Variants in NINL observed in about 807,000 individuals in gnomAD.
NINL encodes the protein ninein like, also known as ninein-like protein.
NINL carries 153 observed loss-of-function variants against 160.3 expected under a neutral mutation model. The observed-to-expected ratio is 0.95, with a 90% CI of 0.84 to 1.09. The LOEUF (loss-of-function observed/expected upper bound fraction) is 1.09, where lower values mean the gene tolerates loss of function less well. Ranked by LOEUF, NINL falls within the 50% of genes least tolerant of loss-of-function variation. The pLI, the probability that NINL is intolerant of heterozygous loss-of-function variation, is 0.00. For synonymous variants in NINL, 800 were observed against 734.8 expected (o/e 1.09, Z -1.43); for missense variants, 1,829 against 1,764.0 (o/e 1.04, Z -0.66).
intron 19 of NINL, among the ~76,000 whole-genome samples, chr20:25,463,272 T>G (rs2062835894): frequency 6.6e-6 from 1 of 152,148 alleles, no homozygotes; most frequent in Non-Finnish European, 1.5e-5. Flanking sequence ...TTCACGTTTT[T>G]CTCATTTCCT....
chr20:25,468,344 G>A (rs1334799180), intron 18 of NINL, among the ~76,000 whole-genome samples: 2 of 148,560 alleles, frequency 1.3e-5, no homozygotes, highest in East Asian at 2.0e-4. Context: ...TCTCACTGGT[G>A]GCCTCCCTGT....
intron 1 of NINL, among the ~76,000 whole-genome samples, chr20:25,535,689 CAT>C (rs906391481): frequency 1.3e-5 from 2 of 152,022 alleles, no homozygotes; most frequent in African/African-American, 4.8e-5. Context: ...TTAAGTAAAA[CAT>C]ATTTTTTAAA....
intron 21 of NINL, among the ~76,000 whole-genome samples, chr20:25,459,195 A>T (rs1430869674): frequency 6.6e-6 from 1 of 152,192 alleles, no homozygotes; most frequent in Admixed American, 6.5e-5. Flanking sequence ...AGACCCCAAG[A>T]CGGAGTGGGA....
At chr20:25,454,634 T>C (rs946565487) in intron 23 of NINL, among the ~76,000 whole-genome samples, 1 of 152,178 alleles carries the variant, frequency 6.6e-6, no homozygotes, top group Non-Finnish European at 1.5e-5. Context: ...CAAAAATACT[T>C]CTCCAGGTTT....
chr20:25,547,178 T>C (rs2064744402), intron 1 of NINL, among the ~76,000 whole-genome samples: 1 of 152,058 alleles, frequency 6.6e-6, no homozygotes, highest in African/African-American at 2.4e-5. Flanking sequence ...CCAGCGTTTA[T>C]ATTACTGAGG....
chr20:25,539,703 A>G (rs1473933432), intron 1 of NINL, among the ~76,000 whole-genome samples: 1 of 152,180 alleles, frequency 6.6e-6, no homozygotes, highest in African/African-American at 2.4e-5. Flanking sequence ...CAAATGACAG[A>G]ACACTGAGGG....
Position 25,510,675 on chromosome 20 carries a change from T to C in NINL, c.516A>G (p.Gln172=), listed in dbSNP as rs774713865. 2.2e-5 allele frequency: 36 copies of C among 1,613,658 alleles called. No homozygotes were observed. Among genetic ancestry groups the C allele is most frequent in the Non-Finnish European group, 2.9e-5 (34 of 1,179,818 alleles). ...KEAQNELFEA[Q]GQLQTWDSED... ...CTGAATGCGAGGCTGAGGCTTTACC[T>C]TGTGCTTCAAATAATTCATTCTGAG... The change falls in exon 5 of 24, where the codon CAA becomes CAG. Residue 172 remains glutamine (Q), a splice_region_variant and synonymous_variant. Transcript: ENST00000278886.
At chr20:25,583,464 C>A (rs1364017105) in intron 1 of NINL, among the ~76,000 whole-genome samples, 1 of 152,056 alleles carries the variant, frequency 6.6e-6, no homozygotes, top group Non-Finnish European at 1.5e-5. Context: ...TATTAAAAAG[C>A]AAGGAAACAA....
At chr20:25,481,861 C>A in intron 14 of NINL, 107 bp downstream of exon 14, 1 of 1,473,764 alleles carries the variant, frequency 6.8e-7, no homozygotes, top group South Asian at 1.3e-5. Flanking sequence ...CCCTTCAGGT[C>A]ACAGCAACAT....
At position 25,480,141 on chromosome 20, in the gene NINL, C is replaced by A; in HGVS notation, c.1917+20G>T. ...CAGCAGCTACTCCCCCAGGGCCCCACAGCCCCATAATCCCCTCACCTTGGT... is the reference window on the plus strand; with the variant it reads ...CAGCAGCTACTCCCCCAGGGCCCCAAAGCCCCATAATCCCCTCACCTTGGT... On this transcript the variant is annotated intron_variant, in intron 15 of 23. Transcript: ENST00000278886. 2 of 1,586,186 alleles carry A rather than the reference C, an allele frequency of 1.3e-6. No homozygotes were observed. The highest frequency in any genetic ancestry group is 2.2e-5 in the South Asian group (2 of 90,558).
Position 25,453,647 on chromosome 20 carries a change from A to T in NINL, c.3958-5T>A, listed in dbSNP as rs2090589988. The T allele has an allele frequency of 2.5e-6, 4 of 1,595,134 alleles. No homozygotes were observed. The highest frequency in any genetic ancestry group is 2.6e-6 in the Non-Finnish European group (3 of 1,169,856). On this transcript the variant is annotated splice_region_variant and splice_polypyrimidine_tract_variant and intron_variant, in intron 23 of 23. Coordinates refer to ENST00000278886, the MANE Select transcript of NINL (RefSeq NM_025176.6). ...GGACTTCGTGTTCTTTTCAAACTAG[A>T]GAGGGGAGGAAGCCATGCTTTGCAT...
intron 10 of NINL, among the ~76,000 whole-genome samples, chr20:25,495,343 G>T (rs1053805466): frequency 2.0e-5 from 3 of 152,170 alleles, no homozygotes; most frequent in Non-Finnish European, 4.4e-5. Flanking sequence ...CAAACCGCCC[G>T]CATCCCTGGA....
chr20:25,528,501 A>C (rs1000407090), intron 1 of NINL, among the ~76,000 whole-genome samples: 9 of 152,218 alleles, frequency 5.9e-5, no homozygotes, highest in African/African-American at 2.2e-4. Context: ...CTGGAGGAAA[A>C]TATATTTAAA....
At chr20:25,547,214 T>A (rs1205913316) in intron 1 of NINL, among the ~76,000 whole-genome samples, 1 of 152,152 alleles carries the variant, frequency 6.6e-6, no homozygotes, top group Non-Finnish European at 1.5e-5. Context: ...AGGGGCTGGT[T>A]ACCAGATGGA....
chr20:25,567,105 CA>C (rs200134052), intron 1 of NINL, among the ~76,000 whole-genome samples: 2 of 150,452 alleles, frequency 1.3e-5, no homozygotes, highest in Non-Finnish European at 3.0e-5. Flanking sequence ...GACCCTGTCT[CA>C]AAAAAAAAAT....
At chr20:25,454,687 G>C (rs907479631) in intron 23 of NINL, among the ~76,000 whole-genome samples, 1 of 152,084 alleles carries the variant, frequency 6.6e-6, no homozygotes, top group Non-Finnish European at 1.5e-5. Context: ...GTCCGTGGCC[G>C]GGCCTCTTCT....
intron 7 of NINL, 117 bp downstream of exon 7, chr20:25,503,835 C>T (rs1450000424): frequency 8.1e-7 from 1 of 1,242,124 alleles, no homozygotes; most frequent in Non-Finnish European, 1.2e-6. Context: ...CATGGCCTGT[C>T]CAGTTCTTGG....
chr20:25,503,246 C>T (rs550670136), intron 7 of NINL, among the ~76,000 whole-genome samples: 1 of 146,170 alleles, frequency 6.8e-6, no homozygotes, highest in South Asian at 2.2e-4. Context: ...CTGAGCACTG[C>T]CTCCTGTAAC....
chr20:25,497,766 C>A (rs369402369), intron 9 of NINL, among the ~76,000 whole-genome samples: 1 of 152,316 alleles, frequency 6.6e-6, no homozygotes, highest in East Asian at 1.9e-4. Context: ...AGCGGCAGGA[C>A]CCCACCTGGC....
Sources: gnomAD v4.1 joint callset for allele counts (sites outside exome capture counted in the v4.1 genomes callset) on GRCh38, gnomAD v4.1.1 for gene constraint, MANE v1.5 for transcripts, NCBI Gene and HGNC (gene_info 2026-07-23, HGNC 2026-07-21) for gene names.